The following EFHC1 variants were observed in gnomAD, a reference collection of about 807,000 sequenced individuals.
EFHC1 encodes the protein EF-hand domain containing 1.
Under a neutral mutation model 69.9 loss-of-function variants are expected in EFHC1, and 53 were observed. That is an observed-to-expected ratio of 0.76 (90% CI 0.61 to 0.95). The LOEUF is 0.95. Among genes scored for constraint, EFHC1 ranks in the 40% least tolerant of loss-of-function variants. EFHC1 has a pLI of 0.00. For missense variants in EFHC1, 739 were observed against 798.7 expected, an observed-to-expected ratio of 0.93 and a Z score of 0.90; for synonymous variants, 256 against 278.4, an observed-to-expected ratio of 0.92 and a Z score of 0.80.
intron 8 of EFHC1, among the ~76,000 whole-genome samples, 180 bp from the exon 9 acceptor site, chr6:52,479,460 C>T (rs938968574): frequency 6.6e-6 from 1 of 151,970 alleles, no homozygotes; most frequent in Non-Finnish European, 1.5e-5. Flanking sequence ...CAGATGTCGA[C>T]AATAAGTTTT....
chr6:52,432,388 G>C (rs1331015176), intron 2 of EFHC1, among the ~76,000 whole-genome samples: 2 of 152,130 alleles, frequency 1.3e-5, no homozygotes, highest in Non-Finnish European at 2.9e-5. Context: ...AGTTCTTGTA[G>C]TGCTAGCTTG....
At chr6:52,451,745 T>G (rs1764921561) in intron 3 of EFHC1, among the ~76,000 whole-genome samples, 1 of 152,252 alleles carries the variant, frequency 6.6e-6, no homozygotes, top group African/African-American at 2.4e-5. Flanking sequence ...AGTTGTTTGC[T>G]TTCTCACTGT....
chr6:52,444,301 C>T (rs1399877694), intron 3 of EFHC1, among the ~76,000 whole-genome samples: 1 of 152,116 alleles, frequency 6.6e-6, no homozygotes, highest in East Asian at 1.9e-4. Context: ...GCCTGATTGC[C>T]CTGGCCAGAA....
rs1581847179 is a variant in EFHC1 at position 52,479,381 on chromosome 6, T to G, written c.1492+131T>G. The G allele has an allele frequency of 6.4e-6, 7 of 1,089,470 alleles. No individual in the cohort carries two copies. The East Asian group carries it at 1.8e-4, about 27-fold the overall frequency. 67.5% of individuals were successfully genotyped at this position (1,089,470 alleles called of 1,614,324 possible). On this transcript the variant is annotated intron_variant, in intron 8 of 10. Transcript: ENST00000371068. ...CTGAGATAAAGCTACTATCCTTGTA[T>G]ATATGGTATAATGTGTTAATCGCCT... is the stretch of plus-strand genomic sequence containing the variant.
At chr6:52,480,070 A>G (rs192020951) in intron 9 of EFHC1, 2 of 599,742 alleles carry the variant, frequency 3.3e-6, no homozygotes, top group East Asian at 2.8e-5. Context: ...TTGACACCCC[A>G]AAACTTAACT....
chr6:52,466,901 A>G (rs1399347138), intron 6 of EFHC1, among the ~76,000 whole-genome samples: 3 of 152,176 alleles, frequency 2.0e-5, no homozygotes, highest in Admixed American at 6.5e-5. Context: ...AGATTTCTTT[A>G]TCAATGATGT....
intron 2 of EFHC1, among the ~76,000 whole-genome samples, chr6:52,433,587 G>T (rs188445978): frequency 1.4e-3 from 209 of 152,270 alleles, no homozygotes; most frequent in Non-Finnish European, 2.4e-3. Flanking sequence ...GTGGCAGGGG[G>T]GTGAAACGGA....
chr6:52,427,246 G>C (rs1302426098), intron 2 of EFHC1, among the ~76,000 whole-genome samples: 2 of 152,094 alleles, frequency 1.3e-5, no homozygotes, highest in Non-Finnish European at 2.9e-5. Context: ...CATCTATAAA[G>C]ATCCAACTCT....
At chr6:52,490,081 G>A (rs1471415759) in intron 9 of EFHC1, 59 bp from the exon 10 acceptor site, 10 of 1,512,718 alleles carry the variant, frequency 6.6e-6, no homozygotes, top group Admixed American at 3.4e-5. Context: ...TTTGGTCACC[G>A]AGATGAGACT....
chr6:52,421,947 G>A (rs1451632593), intron 1 of EFHC1, among the ~76,000 whole-genome samples: 1 of 152,188 alleles, frequency 6.6e-6, no homozygotes, highest in Admixed American at 6.5e-5. Flanking sequence ...TTACAAGTAA[G>A]AAGAACTGTG....
At position 52,469,335 on chromosome 6, in the gene EFHC1, G is replaced by A. The variant is rs762398679; in HGVS notation, c.1140G>A (p.Glu380=). Residue 380 remains glutamate, a splice_region_variant and synonymous_variant, in exon 7 of 11, where the codon GAG becomes GAA. Transcript: ENST00000371068. ...TCTTGCTTCCTATGTATCTCCAGGA[G>A]TTGCCTCCTTATAACGGTTTTGGAC... ...SKREPPPVKQ[E]LPPYNGFGLV... 6 of 1,613,942 alleles carry A rather than the reference G, an allele frequency of 3.7e-6. No homozygotes were observed. The highest frequency in any genetic ancestry group is 5.1e-6 in the Non-Finnish European group (6 of 1,179,922).
chr6:52,452,463 T>C (rs1764935641), intron 3 of EFHC1, among the ~76,000 whole-genome samples: 2 of 151,982 alleles, frequency 1.3e-5, no homozygotes, highest in South Asian at 4.2e-4. Context: ...ATCAAACCAG[T>C]CTAACTTTTA....
chr6:52,472,492 G>A (rs1410837588), intron 7 of EFHC1, among the ~76,000 whole-genome samples: 1 of 151,972 alleles, frequency 6.6e-6, no homozygotes, highest in Non-Finnish European at 1.5e-5. Context: ...TATACAAATA[G>A]CAACAAAGAA....
At chr6:52,492,131 T>C in intron 10 of EFHC1, 139 bp from the exon 11 acceptor site, 1 of 753,610 alleles carries the variant, frequency 1.3e-6, no homozygotes, top group Non-Finnish European at 2.3e-6. Context: ...ACAGGATCAT[T>C]TCAGAATCAA....
intron 2 of EFHC1, among the ~76,000 whole-genome samples, chr6:52,425,650 A>G (rs1289048468): frequency 1.3e-5 from 2 of 152,162 alleles, no homozygotes; most frequent in Non-Finnish European, 2.9e-5. Context: ...TTTTACTTGG[A>G]TCATCACAAT....
At chr6:52,435,140 G>C (rs1456623528) in intron 2 of EFHC1, among the ~76,000 whole-genome samples, 1 of 152,074 alleles carries the variant, frequency 6.6e-6, no homozygotes, top group East Asian at 1.9e-4. Flanking sequence ...ATGATGATAA[G>C]TTGTCCTCTA....
chr6:52,449,359 C>T (rs553391187), intron 3 of EFHC1, among the ~76,000 whole-genome samples: 11 of 145,764 alleles, frequency 7.5e-5, no homozygotes, highest in Middle Eastern at 3.6e-3. Context: ...CCAGTCTGGG[C>T]GACAGAGCAA....
intron 9 of EFHC1, chr6:52,487,488 A>G (rs1271880060): frequency 6.6e-6 from 1 of 152,084 alleles, no homozygotes; most frequent in East Asian, 1.9e-4. Context: ...TGCTGAATCT[A>G]TTTTCAACAT....
At chr6:52,425,669 A>T (rs994295614) in intron 2 of EFHC1, among the ~76,000 whole-genome samples, 1 of 152,218 alleles carries the variant, frequency 6.6e-6, no homozygotes, top group African/African-American at 2.4e-5. Context: ...ATTTCTAGAT[A>T]AATGAGCCTT....
Sources: allele counts gnomAD v4.1 joint callset (sites outside exome capture counted in the v4.1 genomes callset), GRCh38; gene constraint gnomAD v4.1.1; transcripts MANE v1.5; gene names NCBI Gene and HGNC (gene_info 2026-07-23, HGNC 2026-07-21).